Variants in HYOU1 observed in about 807,000 individuals in gnomAD.
HYOU1 encodes hypoxia up-regulated 1.
HYOU1 carries 40 observed loss-of-function variants against 120.5 expected under a neutral mutation model. The ratio of observed to expected loss-of-function variants is 0.33; its 90% confidence interval spans 0.26 to 0.43. HYOU1 has a LOEUF of 0.43. Ranked by LOEUF, HYOU1 falls within the 20% of genes least tolerant of loss-of-function variation. The probability of loss-of-function intolerance (pLI) is 1.00; values close to 1 mark genes in which losing one functional copy is unlikely to be tolerated. For synonymous variants in HYOU1, 501 were observed against 479.4 expected, an observed-to-expected ratio of 1.05 and a Z score of -0.59; for missense variants, 1,085 against 1,278.3, an observed-to-expected ratio of 0.85 and a Z score of 2.31.
Position 119,048,780 on chromosome 11 carries a change from C to T in HYOU1, c.2099G>A (p.Gly700Glu), listed in dbSNP as rs2133567044. Reference protein sequence around the residue: ...ARKRRMVEEIGVELVVLDLPD... With the variant: ...ARKRRMVEEIEVELVVLDLPD... ...CAGGTCCAGAACAACCAGCTCCACC[C>T]CGATCTCCTCTACCATTCGCCGCTT... is the stretch of plus-strand genomic sequence containing the variant. The change falls in exon 18 of 26, where the codon GGG (glycine) becomes GAG (glutamate). Residue 700 changes from glycine (G) to glutamate (E), a missense_variant. Physicochemically the swap from Gly to Glu is moderately conservative, Grantham distance 98. This residue lies in a region of HYOU1 where 516 missense variants were observed against 517.1 expected (regional missense o/e 1.00). Coordinates refer to ENST00000617285, the MANE Select transcript of HYOU1 (RefSeq NM_006389.5). This position sits in a 1 kb window ranked among gnomAD's most constrained non-coding sequence, Gnocchi z 4.7. The T allele has an allele frequency of 6.2e-7, 1 of 1,614,128 alleles. No homozygotes were observed. Among genetic ancestry groups the T allele is most frequent in the Non-Finnish European group, 8.5e-7 (1 of 1,180,010 alleles).
Position 119,055,537 on chromosome 11 carries a change from G to A in HYOU1, c.220C>T (p.Leu74=). Residue 74 remains leucine (L), a synonymous_variant, in exon 4 of 26, where the codon CTG becomes TTG. Transcript: ENST00000617285. This position sits in a 1 kb window ranked among gnomAD's most constrained non-coding sequence, Gnocchi z 4.0. ...CCAAAGAATCTTTCATTTTCTTTCA[G>A]GGTCACGATCACCGGTGTTTTCCTC... is the stretch of plus-strand genomic sequence containing the variant. The part of the protein sequence containing the change: ...SRRKTPVIVT[L]KENERFFGDS... 5.0e-6 allele frequency: 8 copies of A among 1,614,072 alleles called. No homozygotes were observed. Among genetic ancestry groups the A allele is most frequent in the Non-Finnish European group, 6.8e-6 (8 of 1,180,022 alleles).
Position 119,052,641 on chromosome 11 carries a change from G to A in HYOU1, c.983C>T (p.Ala328Val), listed in dbSNP as rs1944511963. 1 of 1,611,534 alleles carries A rather than the reference G, an allele frequency of 6.2e-7. No homozygotes were observed. The highest frequency in any genetic ancestry group is 8.5e-7 in the Non-Finnish European group (1 of 1,178,374). ...CAACCAGCCACTTGTGGGCACCTGT[G>A]CCATGTGGTCAGCGTTGGCACTGAG... Reference protein sequence around the residue: ...TVLSANADHMAQIEGLMDDVD... With the variant: ...TVLSANADHMVQIEGLMDDVD... Residue 328 changes from alanine to valine, a missense_variant, in exon 9 of 26, where the codon GCA becomes GTA. Around this residue, in one of 4 missense-constraint regions of HYOU1, gnomAD observed 515 missense variants for 677.8 expected, o/e 0.76. Transcript: ENST00000617285. The surrounding 1 kb of genome is among the most constrained non-coding windows in gnomAD (Gnocchi z 5.0).
rs2133609752 is a variant in HYOU1 at position 119,055,071 on chromosome 11, G to A, written c.420-11C>T. On this transcript the variant is annotated splice_polypyrimidine_tract_variant and intron_variant, in intron 5 of 25. Coordinates refer to ENST00000617285, the MANE Select transcript of HYOU1 (RefSeq NM_006389.5). The surrounding 1 kb of genome is among the most constrained non-coding windows in gnomAD (Gnocchi z 4.0). ...GAGAACTGCAGCTGCCTGAGGGGAA[G>A]GAAGGTAGTTGGAGCCAAGGAAAGC... 3.1e-4 allele frequency: 497 copies of A among 1,614,076 alleles called. 4 individuals are homozygous for A. The South Asian group carries it at 5.1e-3, about 17-fold the overall frequency.
chr11:119,054,712 A>G lies in HYOU1; in HGVS notation c.497-37T>C, dbSNP rs187770429. Reference sequence around the variant, plus strand: ...AACAGAAAAGGGTCCCGCCGGCTCCATACCTTAGATGAGGGCTTCTAATCT... The same window carrying G: ...AACAGAAAAGGGTCCCGCCGGCTCCGTACCTTAGATGAGGGCTTCTAATCT... On this transcript the variant is annotated intron_variant, in intron 6 of 25. Transcript: ENST00000617285. 345 of 1,590,744 alleles carry G rather than the reference A, an allele frequency of 2.2e-4. 3 individuals carry two copies. Among genetic ancestry groups the G allele is most frequent in the Middle Eastern group, 2.0e-3 (12 of 5,984 alleles).
rs1009594345 is a variant in HYOU1 at position 119,045,182 on chromosome 11, G to A, written c.*411C>T. On this transcript the variant is annotated 3_prime_UTR_variant, in exon 26 of 26. Coordinates refer to ENST00000617285, the MANE Select transcript of HYOU1 (RefSeq NM_006389.5). ...TGAAAGGATGCTCATCGCATGGTGG[G>A]AGAGGAAGGGAGGGAAGGAACAATC... 2.2e-6 allele frequency: 1 copy of A among 459,750 alleles called. No individual in the cohort carries two copies. The highest frequency in any genetic ancestry group is 4.4e-6 in the Non-Finnish European group (1 of 228,634). The allele number at this position is 459,750 out of a possible 1,614,324, so 28.5% of individuals were successfully genotyped here. A position where few individuals can be genotyped will look rare whatever the true frequency, so the allele number is the denominator to read the frequency against.
chr11:119,056,066 A>G lies in HYOU1; in HGVS notation c.91+4T>C, dbSNP rs782311930. The G allele has an allele frequency of 6.2e-6, 10 of 1,612,756 alleles. No individual in the cohort carries two copies. The highest frequency in any genetic ancestry group is 1.3e-5 in the African/African-American group (1 of 74,904). On this transcript the variant is annotated splice_donor_region_variant and intron_variant, in intron 2 of 25. Transcript: ENST00000617285. ...CCATTTGCTCCCTCTACTGGGGTAC[A>G]TACCACTCAGTGCCAACAGGTCTGC...
In HYOU1 at chr11:119,045,844, G is replaced by C. The variant is rs115207968; in HGVS notation, c.2888-13C>G. 1,117 of 1,612,256 alleles carry C rather than the reference G, an allele frequency of 6.9e-4. 11 individuals are homozygous for C. The African/African-American group carries it at 0.011, about 16-fold the overall frequency. On this transcript the variant is annotated splice_polypyrimidine_tract_variant and intron_variant, in intron 24 of 25. Coordinates refer to ENST00000617285, the MANE Select transcript of HYOU1 (RefSeq NM_006389.5). ...CCTGGCTCGGATCCTGCTTTGGGAA[G>C]AAACAGGTTAGTCTCCTCAGAAGGG...
In HYOU1 at chr11:119,051,069, T is replaced by G. The variant is rs2133582302; in HGVS notation, c.1631A>C (p.Asn544Thr). 13 of 1,614,240 alleles carry G rather than the reference T, an allele frequency of 8.1e-6. No homozygotes were observed. Among genetic ancestry groups the G allele is most frequent in the Admixed American group, 5.0e-5 (3 of 60,034 alleles). Residue 544 changes from asparagine (N) to threonine (T), a missense_variant, in exon 14 of 26, where the codon AAC becomes ACC. Physicochemically the swap from Asn to Thr is moderately conservative, Grantham distance 65. Transcript: ENST00000617285. This position sits in a 1 kb window ranked among gnomAD's most constrained non-coding sequence, Gnocchi z 4.2. ...YESKGIKAHFNLDESGVLSLD... is the reference protein window; with the variant it reads ...YESKGIKAHFTLDESGVLSLD... ...ACTGAGCACGCCACTCTCATCCAGGTTGAAGTGAGCCTTGATGCCCTTGGA... is the reference window on the plus strand; with the variant it reads ...ACTGAGCACGCCACTCTCATCCAGGGTGAAGTGAGCCTTGATGCCCTTGGA...
intron 14 of HYOU1, among the ~76,000 whole-genome samples, 162 bp downstream of exon 14, chr11:119,050,873 G>A (rs1012264151): frequency 1.3e-5 from 2 of 151,938 alleles, no homozygotes; most frequent in African/African-American, 4.8e-5. Context: ...CTATAAGGAG[G>A]TCTGCACCAG....
chr11:119,056,348 G>C (rs1255716274), intron 1 of HYOU1, 181 bp from the exon 2 acceptor site: 6 of 678,184 alleles, frequency 8.8e-6, no homozygotes, highest in Middle Eastern at 2.4e-4. Flanking sequence ...AATCATCCCA[G>C]CAGCGCCCAC....
Position 119,048,422 on chromosome 11 carries a change from C to T in HYOU1, c.2254-52G>A. On this transcript the variant is annotated intron_variant, in intron 19 of 25. Transcript: ENST00000617285. The surrounding 1 kb of genome is among the most constrained non-coding windows in gnomAD (Gnocchi z 4.7). ...GCACCCACAAGCCCAGAGGCAAGGC[C>T]CACAGAGCCAGGTGTAAGCCCAGTG... The T allele has an allele frequency of 1.2e-6, 2 of 1,612,164 alleles. No individual in the cohort carries two copies. The highest frequency in any genetic ancestry group is 8.5e-7 in the Non-Finnish European group (1 of 1,179,644).
Position 119,048,308 on chromosome 11 carries a change from A to G in HYOU1, c.2316T>C (p.Ser772=). ...VSTEEQREEI[S]GKLSAASTWL... is the part of the protein sequence containing the mutation. ...AGGTGGATGCGGCGCTGAGCTTCCC[A>G]GAGATCTCCTCACGCTGCTCCTCTG... is the stretch of plus-strand genomic sequence containing the variant. Residue 772 remains serine, a synonymous_variant, in exon 20 of 26, where the codon TCT becomes TCC. Transcript: ENST00000617285. This position sits in a 1 kb window ranked among gnomAD's most constrained non-coding sequence, Gnocchi z 4.7. 1 of 1,611,170 alleles carries G rather than the reference A, an allele frequency of 6.2e-7. No homozygotes were observed. Among genetic ancestry groups the G allele is most frequent in the Non-Finnish European group, 8.5e-7 (1 of 1,179,922 alleles).
chr11:119,049,984 C>A (rs1944327430), intron 14 of HYOU1, 147 bp from the exon 15 acceptor site: 1 of 733,668 alleles, frequency 1.4e-6, no homozygotes, highest in South Asian at 1.6e-5. Context: ...TTGGAGGTGG[C>A]TGCCCATCTC....
Position 119,048,452 on chromosome 11 carries a change from G to T in HYOU1, c.2253+24C>A, listed in dbSNP as rs2133564423. The stretch of plus-strand genomic sequence containing the variant: ...GAGCCAGGTGTAAGCCCAGTGGGGG[G>T]GCTGCTGCCTCCTGCCCACTGACCT... On this transcript the variant is annotated intron_variant, in intron 19 of 25. Transcript: ENST00000617285. The surrounding 1 kb of genome is among the most constrained non-coding windows in gnomAD (Gnocchi z 4.7). The T allele has an allele frequency of 5.6e-6, 9 of 1,613,432 alleles. No homozygotes were observed. Among genetic ancestry groups the T allele is most frequent in the Middle Eastern group, 1.7e-4 (1 of 6,014 alleles).
intron 14 of HYOU1, among the ~76,000 whole-genome samples, chr11:119,050,246 T>C (rs2133577868): frequency 9.9e-5 from 15 of 152,110 alleles, no homozygotes; most frequent in Non-Finnish European, 1.8e-4. Flanking sequence ...ACCCTATCTC[T>C]ACTCCAAATA....
chr11:119,053,702 G>A (rs2133600897), intron 8 of HYOU1: 1 of 154,968 alleles, frequency 6.5e-6, no homozygotes, highest in African/African-American at 2.4e-5. Flanking sequence ...GGAAAAAGAT[G>A]ATTTCAAGAA....
At chr11:119,045,852 T>TAGA (rs2133545526) in intron 24 of HYOU1, 21 bp from the exon 25 acceptor site, 1 of 1,611,446 alleles carries the variant, frequency 6.2e-7, no homozygotes, top group African/African-American at 1.3e-5. Flanking sequence ...AAGAAACAGG[T>TAGA]TAGTCTCCTC....
In HYOU1 at chr11:119,055,596, A is replaced by G; in HGVS notation, c.186-25T>C. On this transcript the variant is annotated intron_variant, in intron 3 of 25. Coordinates refer to ENST00000617285, the MANE Select transcript of HYOU1 (RefSeq NM_006389.5). This position sits in a 1 kb window ranked among gnomAD's most constrained non-coding sequence, Gnocchi z 4.0. ...CCTGAGGAAAAGAGATTTTGGGCCC[A>G]GGTGCCTGCAGCAGAAGGACTCAGA... The G allele has an allele frequency of 6.2e-7, 1 of 1,601,348 alleles. No homozygotes were observed. The highest frequency in any genetic ancestry group is 8.6e-7 in the Non-Finnish European group (1 of 1,168,416).
chr11:119,050,337 C>T (rs1290651581), intron 14 of HYOU1, among the ~76,000 whole-genome samples: 5 of 151,928 alleles, frequency 3.3e-5, no homozygotes, highest in Admixed American at 6.6e-5. Flanking sequence ...CACTTGAACC[C>T]GGGAGGCGGA....
Sources: gnomAD v4.1 joint callset for allele counts (sites outside exome capture counted in the v4.1 genomes callset) on GRCh38, gnomAD v4.1.1 for gene constraint, gnomAD v4.1.1 regional missense constraint, Gnocchi (gnomAD v3.1) non-coding constraint, MANE v1.5 for transcripts, NCBI Gene and HGNC (gene_info 2026-07-23, HGNC 2026-07-21) for gene names.